Variants in UNC13B observed in about 807,000 individuals in gnomAD.
UNC13B encodes protein unc-13 homolog B.
In UNC13B, 144 loss-of-function variants were observed where a neutral mutation model predicts 211.0. The ratio of observed to expected loss-of-function variants is 0.68; its 90% confidence interval spans 0.60 to 0.78. The LOEUF is 0.78. Ranked by LOEUF, UNC13B falls within the 30% of genes least tolerant of loss-of-function variation. The pLI is 0.00. For missense variants in UNC13B, 1,777 were observed against 2,002.0 expected, an observed-to-expected ratio of 0.89 and a Z score of 2.14; for synonymous variants, 709 against 725.8, an observed-to-expected ratio of 0.98 and a Z score of 0.37.
intron 15 of UNC13B, 140 bp downstream of exon 15, chr9:35,376,387 GTA>G: frequency 1.1e-6 from 1 of 881,576 alleles, no homozygotes. Context: ...TTCAGAGAAG[GTA>G]GGATTCTGAA....
intron 7 of UNC13B, among the ~76,000 whole-genome samples, chr9:35,280,171 A>G (rs1264062880): frequency 6.6e-6 from 1 of 152,194 alleles, no homozygotes. Flanking sequence ...GAAGAAGCAA[A>G]TGGTTGAGAA....
At chr9:35,242,222 G>A (rs1345039797) in intron 5 of UNC13B, among the ~76,000 whole-genome samples, 3 of 152,080 alleles carry the variant, frequency 2.0e-5, no homozygotes, top group African/African-American at 7.2e-5. Flanking sequence ...AAATATTTGA[G>A]CATCTAATAT....
At chr9:35,181,559 AG>A (rs1331756099) in intron 1 of UNC13B, among the ~76,000 whole-genome samples, 2 of 152,204 alleles carry the variant, frequency 1.3e-5, no homozygotes, top group Non-Finnish European at 2.9e-5. Flanking sequence ...CGATCTGGCC[AG>A]GTGCGGTGGC....
chr9:35,262,937 A>G (rs1827363201), intron 7 of UNC13B, among the ~76,000 whole-genome samples: 1 of 152,188 alleles, frequency 6.6e-6, no homozygotes, highest in African/African-American at 2.4e-5. Context: ...TGTCTCAAAA[A>G]AAACCAAACC....
rs3067420 is a variant in UNC13B at position 35,241,557 on chromosome 9, G to GCACACACA, written c.395-1702_395-1695dup. ...TTCCAGAGTCAGTTTCTGAATATAA[G>GCACACACA]CACACACACACACACACACACACAC... On this transcript the variant is annotated intron_variant, in intron 5 of 39. Transcript: ENST00000635942. Among the ~76,000 whole-genome samples the GCACACACA allele has an allele frequency of 1.7e-3, 248 of 145,056 alleles. 1 individual carries two copies. The highest frequency in any genetic ancestry group is 5.6e-3 in the African/African-American group (221 of 39,652).
chr9:35,295,319 T>A (rs1201590843), intron 7 of UNC13B, among the ~76,000 whole-genome samples: 3 of 152,174 alleles, frequency 2.0e-5, no homozygotes, highest in African/African-American at 7.2e-5. Context: ...AAACCTCTGC[T>A]CCTTTCCCCT....
intron 11 of UNC13B, among the ~76,000 whole-genome samples, chr9:35,344,527 G>A (rs948750804): frequency 2.0e-5 from 3 of 152,096 alleles, no homozygotes; most frequent in East Asian, 1.9e-4. Context: ...GCATAGTAAT[G>A]CCCTGTTCTA....
At chr9:35,380,414 C>T (rs1834744635) in intron 17 of UNC13B, 56 bp from the exon 18 acceptor site, 14 of 1,574,254 alleles carry the variant, frequency 8.9e-6, no homozygotes, top group Admixed American at 1.7e-5. Context: ...TAGGAAGTAA[C>T]AGGATTTGGC....
chr9:35,364,617 C>A, intron 11 of UNC13B: 1 of 1,527,238 alleles, frequency 6.5e-7, no homozygotes, highest in Non-Finnish European at 8.8e-7. Context: ...TTTCCCTCCC[C>A]TCCTTCCCAA....
At chr9:35,347,865 G>C (rs1832465678) in intron 11 of UNC13B, among the ~76,000 whole-genome samples, 1 of 152,148 alleles carries the variant, frequency 6.6e-6, no homozygotes, top group Middle Eastern at 3.2e-3. Flanking sequence ...TTTGCCCCCT[G>C]TGTGGCTGGC....
intron 11 of UNC13B, chr9:35,360,995 C>T (rs1422587025): frequency 6.6e-6 from 1 of 152,188 alleles, no homozygotes; most frequent in Non-Finnish European, 1.5e-5. Flanking sequence ...ATAATAGGTT[C>T]TTAAGAAATG....
chr9:35,357,153 G>C (rs1317217312), intron 11 of UNC13B, among the ~76,000 whole-genome samples: 1 of 152,156 alleles, frequency 6.6e-6, no homozygotes, highest in Non-Finnish European at 1.5e-5. Context: ...TTGAGGAACT[G>C]CCAGACTGTT....
intron 1 of UNC13B, among the ~76,000 whole-genome samples, chr9:35,207,476 A>ATTTT (rs1823723317): frequency 2.0e-5 from 1 of 51,088 alleles, no homozygotes; most frequent in Non-Finnish European, 4.0e-5. Context: ...GAAGAAATTA[A>ATTTT]TTTTTATTTA....
intron 7 of UNC13B, among the ~76,000 whole-genome samples, chr9:35,292,655 A>G (rs573743520): frequency 5.3e-5 from 8 of 152,340 alleles, no homozygotes; most frequent in African/African-American, 1.4e-4. Context: ...TCTGTCTCCT[A>G]TTAGACTGAC....
At chr9:35,216,416 C>T (rs532336153) in intron 1 of UNC13B, among the ~76,000 whole-genome samples, 48 of 152,266 alleles carry the variant, frequency 3.2e-4, no homozygotes, top group African/African-American at 1.1e-3. Context: ...CAGTGAGTTC[C>T]CTGGACTTGC....
intron 11 of UNC13B, among the ~76,000 whole-genome samples, chr9:35,342,716 G>A (rs1352335777): frequency 1.3e-5 from 2 of 152,274 alleles, no homozygotes; most frequent in Admixed American, 1.3e-4. Context: ...ATGTGCATAT[G>A]TATAGACAAC....
intron 7 of UNC13B, among the ~76,000 whole-genome samples, chr9:35,289,467 G>A (rs776247798): frequency 4.0e-4 from 61 of 152,228 alleles, no homozygotes; most frequent in African/African-American, 1.3e-3. Context: ...ACCTGGTAAC[G>A]TGACAAAATA....
chr9:35,238,036 G>T (rs1029043167), intron 5 of UNC13B, among the ~76,000 whole-genome samples: 13 of 152,022 alleles, frequency 8.6e-5, no homozygotes, highest in Admixed American at 7.9e-4. Flanking sequence ...ACACTAAAAA[G>T]CATTCTCTTC....
At chr9:35,190,961 CT>C (rs1822625004) in intron 1 of UNC13B, among the ~76,000 whole-genome samples, 1 of 152,032 alleles carries the variant, frequency 6.6e-6, no homozygotes, top group African/African-American at 2.4e-5. Flanking sequence ...AAGGTATTTT[CT>C]TTTTTCTTTT....
Sources: gnomAD v4.1 joint callset for allele counts (sites outside exome capture counted in the v4.1 genomes callset) on GRCh38, gnomAD v4.1.1 for gene constraint, MANE v1.5 for transcripts, NCBI Gene and HGNC (gene_info 2026-07-23, HGNC 2026-07-21) for gene names.